The following IGF2R variants were observed in gnomAD, a reference collection of about 807,000 sequenced individuals.
IGF2R encodes insulin like growth factor 2 receptor.
IGF2R carries 91 observed loss-of-function variants against 270.6 expected under a neutral mutation model. The observed-to-expected ratio is 0.34, with a 90% CI of 0.28 to 0.40. IGF2R has a LOEUF of 0.40. Ranked by LOEUF, IGF2R falls within the 10% of genes least tolerant of loss-of-function variation. The pLI, the probability that IGF2R is intolerant of heterozygous loss-of-function variation, is 1.00. For synonymous variants in IGF2R, 1,316 were observed against 1,258.9 expected (o/e 1.05, Z -0.96); for missense variants, 2,805 against 3,188.3 (o/e 0.88, Z 2.90).
intron 1 of IGF2R, among the ~76,000 whole-genome samples, chr6:159,990,506 A>G (rs1269538000): frequency 2.6e-5 from 4 of 152,186 alleles, no homozygotes; most frequent in Non-Finnish European, 4.4e-5. Context: ...ATGCTTAACT[A>G]TGAGTCAATT....
chr6:160,051,109 CG>C (rs544379310), intron 19 of IGF2R, among the ~76,000 whole-genome samples: 128 of 152,068 alleles, frequency 8.4e-4, no homozygotes, highest in Middle Eastern at 3.4e-3. Flanking sequence ...TGCATAGCAC[CG>C]GGGAATAAAT....
intron 39 of IGF2R, among the ~76,000 whole-genome samples, chr6:160,082,686 G>C (rs1779011940): frequency 6.6e-6 from 1 of 152,220 alleles, no homozygotes. Flanking sequence ...TAGGGCTGTG[G>C]GGTTATTAAG....
rs74550728 is a variant in IGF2R, at chr6:159,972,779, G to T, written c.149+3384G>T. On this transcript the variant is annotated intron_variant, in intron 1 of 47. Transcript: ENST00000356956. ...TTCAGCAGCAGCTTTAACTGTGTCC[G>T]TGCACGTGGAGGGGCCTGCCCTCTG... Among the ~76,000 whole-genome samples the T allele has an allele frequency of 2.1e-3, 322 of 152,328 alleles. 3 individuals carry two copies. Among genetic ancestry groups the T allele is most frequent in the African/African-American group, 7.3e-3 (304 of 41,582 alleles).
At position 160,107,776 on chromosome 6, in the gene IGF2R, C is replaced by G. The variant is rs986088933; in HGVS notation, c.*2692C>G. 3 of 152,184 alleles carry G rather than the reference C, an allele frequency of 2.0e-5. No individual in the cohort carries two copies. Among genetic ancestry groups the G allele is most frequent in the African/African-American group, 7.2e-5 (3 of 41,438 alleles). 9.4% of individuals were successfully genotyped at this position (152,184 alleles called of 1,614,324 possible). A position where few individuals can be genotyped will look rare whatever the true frequency, so the allele number is the denominator to read the frequency against. On this transcript the variant is annotated 3_prime_UTR_variant, in exon 48 of 48. Coordinates refer to ENST00000356956, the MANE Select transcript of IGF2R (RefSeq NM_000876.4). The stretch of plus-strand genomic sequence containing the variant: ...GTACTTCACCAACCCTAAAATAATA[C>G]GTAACACGAGATGATTCCTCAGGAA...
At position 160,027,280 on chromosome 6, in the gene IGF2R, C is replaced by G. The variant is rs1476003235; in HGVS notation, c.742C>G (p.Pro248Ala). Residue 248 changes from proline (P) to alanine (A), a missense_variant, in exon 6 of 48, where the codon CCC becomes GCC. Physicochemically the swap from Pro to Ala is conservative, Grantham distance 27. Coordinates refer to ENST00000356956, the MANE Select transcript of IGF2R (RefSeq NM_000876.4). ...RGHQAFDVGQ[P>A]RDGLKLVRKD... ...ACACCAGGCGTTTGATGTTGGCCAG[C>G]CCCGGGACGGACTGAAGCTGGTGCG... is the stretch of plus-strand genomic sequence containing the variant. The G allele has an allele frequency of 6.2e-7, 1 of 1,613,982 alleles. No individual in the cohort carries two copies. The highest frequency in any genetic ancestry group is 1.3e-5 in the African/African-American group (1 of 75,068).
At chr6:160,031,819 A>G (rs1204774628) in intron 7 of IGF2R, among the ~76,000 whole-genome samples, 2 of 152,228 alleles carry the variant, frequency 1.3e-5, no homozygotes, top group African/African-American at 2.4e-5. Context: ...CAGCACGGCT[A>G]TGCCCGGTGC....
At chr6:159,971,827 T>A (rs1247794984) in intron 1 of IGF2R, among the ~76,000 whole-genome samples, 2 of 152,136 alleles carry the variant, frequency 1.3e-5, no homozygotes, top group Non-Finnish European at 2.9e-5. Context: ...ATATATTTTT[T>A]AAAATTTTTA....
rs1784322318 is a variant in IGF2R at position 160,010,801 on chromosome 6, C to T, written c.513+16C>T. On this transcript the variant is annotated intron_variant, in intron 4 of 47. Transcript: ENST00000356956. ...AAATAAGGAGGTAACATGGGAACTT[C>T]AAATTACATGCTTATGAAGTATACT... 2 of 1,370,878 alleles carry T rather than the reference C, an allele frequency of 1.5e-6. No homozygotes were observed. The highest frequency in any genetic ancestry group is 2.3e-5 in the South Asian group (2 of 86,138). The allele number at this position is 1,370,878 out of a possible 1,614,324, so 84.9% of individuals were successfully genotyped here.
intron 45 of IGF2R, among the ~76,000 whole-genome samples, chr6:160,097,460 G>T (rs1779389479): frequency 6.6e-6 from 1 of 152,182 alleles, no homozygotes; most frequent in Non-Finnish European, 1.5e-5. Context: ...CTCCCAAGTA[G>T]CTGGGATTGC....
chr6:160,080,474 C>G (rs777246128), intron 39 of IGF2R, among the ~76,000 whole-genome samples, 199 bp downstream of exon 39: 1 of 152,162 alleles, frequency 6.6e-6, no homozygotes, highest in Non-Finnish European at 1.5e-5. Context: ...ATCTACAGAC[C>G]GTGGTAGAGC....
chr6:160,037,106 A>G (rs1352124549), intron 10 of IGF2R, among the ~76,000 whole-genome samples: 1 of 152,222 alleles, frequency 6.6e-6, no homozygotes, highest in Non-Finnish European at 1.5e-5. Context: ...CCCCACCCTG[A>G]TGCCAAGAAC....
chr6:160,024,836 T>C lies in IGF2R; in HGVS notation c.646+132T>C. 2.9e-6 allele frequency: 3 copies of C among 1,022,094 alleles called. No individual in the cohort carries two copies. The South Asian group carries it at 4.8e-5, about 16-fold the overall frequency. 63.3% of individuals were successfully genotyped at this position (1,022,094 alleles called of 1,614,324 possible). A position where few individuals can be genotyped will look rare whatever the true frequency, so the allele number is the denominator to read the frequency against. On this transcript the variant is annotated intron_variant, in intron 5 of 47. Transcript: ENST00000356956. Reference sequence around the variant, plus strand: ...ATTAGGCCCTCTAATAAAGCTTTTGTCCCCAAAAATGTTCTATTTGCACAA... The same window carrying C: ...ATTAGGCCCTCTAATAAAGCTTTTGCCCCCAAAAATGTTCTATTTGCACAA...
chr6:159,986,021 A>G (rs539737530), intron 1 of IGF2R, among the ~76,000 whole-genome samples: 3 of 152,072 alleles, frequency 2.0e-5, no homozygotes, highest in Non-Finnish European at 2.9e-5. Context: ...TGAATTTTGT[A>G]CAACTGGGAC....
chr6:160,026,178 G>C (rs1293295085), intron 5 of IGF2R, among the ~76,000 whole-genome samples: 2 of 152,198 alleles, frequency 1.3e-5, no homozygotes, highest in African/African-American at 4.8e-5. Context: ...CTTACACTGA[G>C]TCCCCATGAG....
intron 5 of IGF2R, 132 bp from the exon 6 acceptor site, chr6:160,027,053 A>G (rs1345996682): frequency 9.1e-6 from 9 of 987,434 alleles, no homozygotes; most frequent in Non-Finnish European, 1.4e-5. Flanking sequence ...GGCTTGCCCA[A>G]GGTTTCAGAA....
chr6:160,073,510 G>A (rs1407450644), intron 34 of IGF2R, 41 bp downstream of exon 34: 10 of 1,605,688 alleles, frequency 6.2e-6, no homozygotes, highest in Non-Finnish European at 8.5e-6. Context: ...CATGTCCAGT[G>A]CCTGGCTGCA....
chr6:160,078,477 GC>G, intron 37 of IGF2R, 115 bp downstream of exon 37: 1 of 980,804 alleles, frequency 1.0e-6, no homozygotes, highest in African/African-American at 1.6e-5. Context: ...GGTGTATGTG[GC>G]CACTGGGCAG....
intron 45 of IGF2R, among the ~76,000 whole-genome samples, chr6:160,098,868 AATAG>A (rs1474083711): frequency 6.6e-6 from 1 of 152,172 alleles, no homozygotes; most frequent in East Asian, 1.9e-4. Context: ...TGTTCGCCCT[AATAG>A]ATTACCATTT....
intron 1 of IGF2R, among the ~76,000 whole-genome samples, chr6:159,974,180 A>G (rs960057034): frequency 1.3e-5 from 2 of 152,160 alleles, no homozygotes; most frequent in African/African-American, 4.8e-5. Flanking sequence ...ATTCAAGTGG[A>G]GTTGTAATGG....
Sources: gnomAD v4.1 joint callset for allele counts (sites outside exome capture counted in the v4.1 genomes callset) on GRCh38, gnomAD v4.1.1 for gene constraint, MANE v1.5 for transcripts, NCBI Gene and HGNC (gene_info 2026-07-23, HGNC 2026-07-21) for gene names.